TWSG1: variants seen among roughly 807,000 people sequenced by gnomAD.
TWSG1 encodes twisted gastrulation BMP signaling modulator 1.
A neutral mutation model predicts 23.0 loss-of-function variants in TWSG1; 15 were observed. The ratio of observed to expected loss-of-function variants is 0.65; its 90% CI spans 0.44 to 1.00. TWSG1 has a LOEUF of 1.00. Ranked by LOEUF, TWSG1 falls within the 50% of genes least tolerant of loss-of-function variation. The pLI, the probability that TWSG1 is intolerant of heterozygous loss-of-function variation, is 0.00. For synonymous variants in TWSG1, 86 were observed against 92.8 expected (o/e 0.93, Z 0.42); for missense variants, 242 against 278.7 (o/e 0.87, Z 0.94).
chr18:9,380,048 T>A (rs1471216840), intron 3 of TWSG1, among the ~76,000 whole-genome samples: 1 of 152,228 alleles, frequency 6.6e-6, no homozygotes. Flanking sequence ...ACTGTGTGGC[T>A]CATTAGAGAA....
intron 2 of TWSG1, among the ~76,000 whole-genome samples, chr18:9,348,215 CTTG>C (rs750856432): frequency 2.6e-5 from 4 of 152,282 alleles, no homozygotes; most frequent in East Asian, 1.9e-4. Context: ...GGCTGATTTT[CTTG>C]TTGTGATTGG....
At chr18:9,398,004 C>CAAAAAAAAAAAAAAAAAAAACAAAA (rs2040745394) in intron 4 of TWSG1, among the ~76,000 whole-genome samples, 1 of 84,738 alleles carries the variant, frequency 1.2e-5, no homozygotes, top group Non-Finnish European at 2.3e-5. Context: ...AACTCCATCT[C>CAAAAAAAAAAAAAAAAAAAACAAAA]AAAAAAAAAA....
intron 2 of TWSG1, among the ~76,000 whole-genome samples, chr18:9,353,478 C>T (rs1363383937): frequency 6.6e-6 from 1 of 152,224 alleles, no homozygotes; most frequent in Non-Finnish European, 1.5e-5. Context: ...TCTCTAAATA[C>T]TCATACTGGT....
intron 3 of TWSG1, among the ~76,000 whole-genome samples, chr18:9,380,314 C>T (rs2040650730): frequency 6.6e-6 from 1 of 152,124 alleles, no homozygotes; most frequent in Non-Finnish European, 1.5e-5. Context: ...TCAGTGACCT[C>T]CTAAGGTCAA....
chr18:9,336,146 C>A (rs747690702), intron 1 of TWSG1, among the ~76,000 whole-genome samples: 5 of 152,112 alleles, frequency 3.3e-5, no homozygotes. Context: ...TAATCCCACA[C>A]TTTGGGAGGC....
intron 2 of TWSG1, among the ~76,000 whole-genome samples, chr18:9,348,264 T>C (rs2040486417): frequency 6.6e-6 from 1 of 152,232 alleles, no homozygotes. Context: ...CTAGTTCTTG[T>C]CTTTTTGGTC....
chr18:9,379,659 TAAAATA>T (rs2040647596), intron 3 of TWSG1, among the ~76,000 whole-genome samples: 1 of 151,686 alleles, frequency 6.6e-6, no homozygotes, highest in Non-Finnish European at 1.5e-5. Flanking sequence ...CCCCTGAACT[TAAAATA>T]AAAGTTAAAG....
chr18:9,392,203 C>T (rs1233801818), intron 3 of TWSG1, among the ~76,000 whole-genome samples: 1 of 152,238 alleles, frequency 6.6e-6, no homozygotes, highest in Non-Finnish European at 1.5e-5. Flanking sequence ...TAGATAGCAT[C>T]ATCTTACAAT....
chr18:9,349,615 G>T (rs1165072654), intron 2 of TWSG1, among the ~76,000 whole-genome samples: 1 of 152,088 alleles, frequency 6.6e-6, no homozygotes, highest in Non-Finnish European at 1.5e-5. Flanking sequence ...AATAGTTCAG[G>T]TAAGTTTAGG....
At chr18:9,365,207 C>T (rs1029591154) in intron 3 of TWSG1, among the ~76,000 whole-genome samples, 1 of 152,012 alleles carries the variant, frequency 6.6e-6, no homozygotes, top group South Asian at 2.1e-4. Flanking sequence ...CATATGGTCC[C>T]AGCTACTTGG....
At chr18:9,344,631 C>A (rs1360102953) in intron 2 of TWSG1, among the ~76,000 whole-genome samples, 1 of 151,302 alleles carries the variant, frequency 6.6e-6, no homozygotes, top group Non-Finnish European at 1.5e-5. Context: ...TGGACTCAAG[C>A]AATCCTCCCA....
At position 9,348,115 on chromosome 18, in the gene TWSG1, TAAGGAAGG is replaced by T. The variant is rs574050190; in HGVS notation, c.123+10764_123+10771del. Among the ~76,000 whole-genome samples the T allele has an allele frequency of 1.5e-3, 230 of 152,342 alleles. 2 individuals are homozygous for T. The highest frequency in any genetic ancestry group is 4.7e-3 in the African/African-American group (194 of 41,572). On this transcript the variant is annotated intron_variant, in intron 2 of 4. Transcript: ENST00000262120. ...ACTTACAGCAGAGAACACTTGGGGATAAGGAAGGCCTTGATGCTGGAATGTGTTCTCTG... is the reference window on the plus strand; with the variant it reads ...ACTTACAGCAGAGAACACTTGGGGATCCTTGATGCTGGAATGTGTTCTCTG...
chr18:9,393,101 C>A (rs1211207143), intron 3 of TWSG1, among the ~76,000 whole-genome samples: 1 of 152,162 alleles, frequency 6.6e-6, no homozygotes, highest in Non-Finnish European at 1.5e-5. Flanking sequence ...TGACACAGAG[C>A]CACAAAGTGA....
At chr18:9,358,792 G>A (rs2040539027) in intron 2 of TWSG1, among the ~76,000 whole-genome samples, 1 of 152,190 alleles carries the variant, frequency 6.6e-6, no homozygotes. Flanking sequence ...GTTGACCTGT[G>A]AAGTTCCTTC....
intron 2 of TWSG1, among the ~76,000 whole-genome samples, chr18:9,354,714 G>T (rs1281045007): frequency 6.6e-6 from 1 of 152,086 alleles, no homozygotes; most frequent in Non-Finnish European, 1.5e-5. Context: ...TTATGATAGA[G>T]AAATGCTATT....
intron 3 of TWSG1, among the ~76,000 whole-genome samples, chr18:9,373,502 G>A (rs2040615640): frequency 6.6e-6 from 1 of 152,136 alleles, no homozygotes; most frequent in East Asian, 1.9e-4. Context: ...CAGCTGCACT[G>A]TCCAACCTGA....
intron 3 of TWSG1, among the ~76,000 whole-genome samples, chr18:9,390,839 C>G (rs1300316435): frequency 2.6e-5 from 4 of 152,058 alleles, no homozygotes; most frequent in Non-Finnish European, 5.9e-5. Flanking sequence ...TAGTGAGACC[C>G]CATCTCTACA....
chr18:9,391,154 G>A (rs1166524275), intron 3 of TWSG1, among the ~76,000 whole-genome samples: 3 of 152,156 alleles, frequency 2.0e-5, no homozygotes, highest in African/African-American at 7.2e-5. Context: ...TCCATCTCAA[G>A]AAACACTTCC....
At chr18:9,347,332 C>A (rs1250655027) in intron 2 of TWSG1, among the ~76,000 whole-genome samples, 3 of 152,126 alleles carry the variant, frequency 2.0e-5, no homozygotes, top group Non-Finnish European at 4.4e-5. Flanking sequence ...TCAATAAAGT[C>A]CAGCTTATCA....
Sources: gnomAD v4.1 joint callset for allele counts (sites outside exome capture counted in the v4.1 genomes callset) on GRCh38, gnomAD v4.1.1 for gene constraint, MANE v1.5 for transcripts, NCBI Gene and HGNC (gene_info 2026-07-23, HGNC 2026-07-21) for gene names.